The following STAM2 variants were observed in gnomAD, a reference collection of about 807,000 sequenced individuals.
STAM2 encodes the protein signal transducing adapter molecule 2.
STAM2 carries 51 observed loss-of-function variants against 65.6 expected under a neutral mutation model. The ratio of observed to expected loss-of-function variants is 0.78; its 90% CI spans 0.62 to 0.98. The LOEUF (loss-of-function observed/expected upper bound fraction) is 0.98. Ranked by LOEUF, STAM2 falls within the 50% of genes least tolerant of loss-of-function variation. The pLI is 0.00. For missense variants in STAM2, 584 were observed against 617.8 expected, an observed-to-expected ratio of 0.95 and a Z score of 0.58; for synonymous variants, 198 against 208.4, an observed-to-expected ratio of 0.95 and a Z score of 0.43.
chr2:152,150,130 G>C lies in STAM2; in HGVS notation c.125+15C>G, dbSNP rs1474702729. The C allele has an allele frequency of 6.4e-7, 1 of 1,561,792 alleles. No homozygotes were observed. Among genetic ancestry groups the C allele is most frequent in the South Asian group, 1.1e-5 (1 of 89,642 alleles). ...AAGTTCCTAGACATTCACTGAGCAT[G>C]ACTGGACATCTTACCCATTAGGAGT... On this transcript the variant is annotated intron_variant, in intron 2 of 13. Transcript: ENST00000263904.
Position 152,116,917 on chromosome 2 carries a change from CAA to C in STAM2, c.*3655_*3656del, listed in dbSNP as rs1688758431. On this transcript the variant is annotated 3_prime_UTR_variant, in exon 14 of 14. Coordinates refer to ENST00000263904, the MANE Select transcript of STAM2 (RefSeq NM_005843.6). ...ATAGGGATATGTATGCATAGGAAAACAAACAGTATATATAAGGTTCAGTACTA... is the reference window on the plus strand; with the variant it reads ...ATAGGGATATGTATGCATAGGAAAACACAGTATATATAAGGTTCAGTACTA... 1 of 152,124 alleles carries C rather than the reference CAA, an allele frequency of 6.6e-6. No individual in the cohort carries two copies. The highest frequency in any genetic ancestry group is 1.9e-4 in the East Asian group (1 of 5,198). 9.4% of individuals were successfully genotyped at this position (152,124 alleles called of 1,614,324 possible).
intron 13 of STAM2, among the ~76,000 whole-genome samples, chr2:152,122,076 A>ATATGTGTGTGTG (rs1161311169): frequency 9.6e-6 from 1 of 103,706 alleles, no homozygotes; most frequent in African/African-American, 3.3e-5. Context: ...ATATATATAT[A>ATATGTGTGTGTG]TGTGTGTGTG....
chr2:152,161,407 C>T (rs1579333038), intron 1 of STAM2, among the ~76,000 whole-genome samples: 1 of 148,010 alleles, frequency 6.8e-6, no homozygotes, highest in East Asian at 2.0e-4. Flanking sequence ...GACCTTTGTT[C>T]ACTTGTTTAT....
chr2:152,135,358 T>A, intron 8 of STAM2, 151 bp downstream of exon 8: 1 of 607,410 alleles, frequency 1.6e-6, no homozygotes. Context: ...ACCCCTTAAT[T>A]TGGTTAAAAA....
intron 7 of STAM2, among the ~76,000 whole-genome samples, chr2:152,137,532 T>C (rs1265979141): frequency 6.6e-6 from 1 of 152,230 alleles, no homozygotes; most frequent in Non-Finnish European, 1.5e-5. Flanking sequence ...GTTGTTTGTC[T>C]GAATTATGCA....
chr2:152,154,484 G>A (rs1207598370), intron 1 of STAM2, among the ~76,000 whole-genome samples: 3 of 152,196 alleles, frequency 2.0e-5, no homozygotes, highest in Admixed American at 6.5e-5. Flanking sequence ...TGGGCGTGGT[G>A]GCACGCGCCT....
intron 1 of STAM2, among the ~76,000 whole-genome samples, chr2:152,172,082 T>C (rs1220120519): frequency 6.6e-6 from 1 of 152,242 alleles, no homozygotes; most frequent in Non-Finnish European, 1.5e-5. Flanking sequence ...TCAAGATCCC[T>C]GTACCCCTCT....
At chr2:152,162,807 A>ATT (rs11424941) in intron 1 of STAM2, among the ~76,000 whole-genome samples, 2,618 of 145,464 alleles carry the variant, frequency 0.018, 63 homozygotes, top group African/African-American at 0.061. Context: ...TGCCTGGGTA[A>ATT]TTTTTTTTTT....
intron 1 of STAM2, among the ~76,000 whole-genome samples, chr2:152,165,357 G>GGA (rs1326117682): frequency 2.0e-5 from 3 of 152,146 alleles, no homozygotes; most frequent in Admixed American, 2.0e-4. Flanking sequence ...CTTGAACCCA[G>GGA]GAGGCAGAGG....
In STAM2 at chr2:152,120,398, A is replaced by C; in HGVS notation, c.*176T>G. 5.2e-6 allele frequency: 2 copies of C among 380,954 alleles called. No individual in the cohort carries two copies. Among genetic ancestry groups the C allele is most frequent in the South Asian group, 8.2e-5 (2 of 24,328 alleles). 23.6% of individuals were successfully genotyped at this position (380,954 alleles called of 1,614,324 possible). The stretch of plus-strand genomic sequence containing the variant: ...TTGACTTCAAACAAACTGGACTGAA[A>C]AAAAAAAAAAAAAAAAACCTTTTAT... On this transcript the variant is annotated 3_prime_UTR_variant, in exon 14 of 14. Coordinates refer to ENST00000263904, the MANE Select transcript of STAM2 (RefSeq NM_005843.6).
At chr2:152,156,837 C>T (rs915959364) in intron 1 of STAM2, among the ~76,000 whole-genome samples, 24 of 152,092 alleles carry the variant, frequency 1.6e-4, no homozygotes, top group Non-Finnish European at 2.9e-4. Flanking sequence ...CTTTAAAGCT[C>T]CTCCTATTAT....
chr2:152,129,880 T>C (rs1419184414), intron 11 of STAM2, among the ~76,000 whole-genome samples: 1 of 152,226 alleles, frequency 6.6e-6, no homozygotes, highest in Non-Finnish European at 1.5e-5. Flanking sequence ...AGATTTTTCA[T>C]TTCTTTAGAA....
chr2:152,149,067 C>T (rs2105549998), intron 2 of STAM2, among the ~76,000 whole-genome samples: 1 of 152,338 alleles, frequency 6.6e-6, no homozygotes, highest in East Asian at 1.9e-4. Context: ...CTAATTGCCA[C>T]ATCTCCCCAA....
chr2:152,132,115 T>C lies in STAM2; in HGVS notation c.1024A>G (p.Arg342Gly), dbSNP rs1375989606. The stretch of plus-strand genomic sequence containing the variant: ...TTATTCCTGCACGAAAAATCTCACC[T>C]ATCAATTTCTTCAAGTTTTTCATCT... ...MIDEKLEEID[R>G]KHSELSELNV... Residue 342 changes from arginine (R) to glycine (G), a missense_variant and splice_region_variant, in exon 11 of 14, where the codon AGG becomes GGG. By Grantham distance (125) the Arg-to-Gly change is moderately radical. Transcript: ENST00000263904. 1 of 1,610,676 alleles carries C rather than the reference T, an allele frequency of 6.2e-7. No homozygotes were observed. The highest frequency in any genetic ancestry group is 1.1e-5 in the South Asian group (1 of 90,858).
intron 5 of STAM2, among the ~76,000 whole-genome samples, chr2:152,145,921 A>T (rs556290699): frequency 6.6e-6 from 1 of 152,340 alleles, no homozygotes; most frequent in Admixed American, 6.5e-5. Context: ...TTTATTACTT[A>T]TAAGACTCTT....
chr2:152,133,774 T>C (rs998662539), intron 8 of STAM2, among the ~76,000 whole-genome samples: 1 of 152,184 alleles, frequency 6.6e-6, no homozygotes, highest in African/African-American at 2.4e-5. Context: ...AAAATTTTAG[T>C]GGAACAAGTG....
At chr2:152,159,949 T>C (rs1049075925) in intron 1 of STAM2, among the ~76,000 whole-genome samples, 1 of 152,260 alleles carries the variant, frequency 6.6e-6, no homozygotes, top group African/African-American at 2.4e-5. Context: ...CGGGCTGGTC[T>C]CCAGCTCCTA....
chr2:152,161,969 T>G (rs1368453636), intron 1 of STAM2, among the ~76,000 whole-genome samples: 1 of 152,044 alleles, frequency 6.6e-6, no homozygotes, highest in African/African-American at 2.4e-5. Flanking sequence ...ATTACAGGCA[T>G]GTGCCACCAC....
At chr2:152,163,732 A>T (rs72864754) in intron 1 of STAM2, among the ~76,000 whole-genome samples, 1 of 152,068 alleles carries the variant, frequency 6.6e-6, no homozygotes, top group Non-Finnish European at 1.5e-5. Flanking sequence ...CCCTAGGAAA[A>T]GAATTGCATT....
Sources: allele counts gnomAD v4.1 joint callset (sites outside exome capture counted in the v4.1 genomes callset), GRCh38; gene constraint gnomAD v4.1.1; transcripts MANE v1.5; gene names NCBI Gene and HGNC (gene_info 2026-07-23, HGNC 2026-07-21).